Variants in COPB2 observed in about 807,000 individuals in gnomAD.
COPB2 encodes coat protein complex I subunit beta 2.
Under a neutral mutation model 120.8 loss-of-function variants are expected in COPB2, and 16 were observed. That is an observed-to-expected ratio of 0.13 (90% CI 0.09 to 0.20). The LOEUF (loss-of-function observed/expected upper bound fraction) is 0.20. COPB2 is among the 10% of genes least tolerant of loss of function. The pLI is 1.00. For missense variants in COPB2, 794 were observed against 1,076.5 expected (o/e 0.74, Z 3.67); for synonymous variants, 332 against 366.3 (o/e 0.91, Z 1.07).
rs763968514 is a variant in COPB2 at position 139,371,843 on chromosome 3, A to G, written c.1095-10T>C. 9.3e-6 allele frequency: 15 copies of G among 1,611,374 alleles called. No individual in the cohort carries two copies. The Admixed American group carries it at 1.7e-4, about 18-fold the overall frequency. ...ACACACCACCACAAACCTAGAAATCACAGAAGCCAGGGAGGGAAGTACAGA... is the reference window on the plus strand; with the variant it reads ...ACACACCACCACAAACCTAGAAATCGCAGAAGCCAGGGAGGGAAGTACAGA... On this transcript the variant is annotated splice_polypyrimidine_tract_variant and intron_variant, in intron 9 of 21. Transcript: ENST00000333188.
chr3:139,379,319 A>C (rs568290423), intron 3 of COPB2, 61 bp downstream of exon 3: 1 of 1,581,056 alleles, frequency 6.3e-7, no homozygotes, highest in Admixed American at 1.7e-5. Flanking sequence ...TCCTGCAACA[A>C]ATTTACACAA....
At chr3:139,375,112 G>A (rs931434340) in intron 6 of COPB2, among the ~76,000 whole-genome samples, 9 of 152,108 alleles carry the variant, frequency 5.9e-5, no homozygotes, top group Non-Finnish European at 1.0e-4. Context: ...TTCATAACTA[G>A]GTTTACAAGA....
rs886210265 is a variant in COPB2, at chr3:139,358,986, C to G, written c.2484+12G>C. 1.2e-6 allele frequency: 2 copies of G among 1,608,876 alleles called. No individual in the cohort carries two copies. Among genetic ancestry groups the G allele is most frequent in the African/African-American group, 2.7e-5 (2 of 74,530 alleles). On this transcript the variant is annotated intron_variant, in intron 19 of 21. Coordinates refer to ENST00000333188, the MANE Select transcript of COPB2 (RefSeq NM_004766.3). Reference sequence around the variant, plus strand: ...GTTACAATAAATGAAGCTTGACATCCTGGCCACTCACCGTGACAAGTGGGT... The same window carrying G: ...GTTACAATAAATGAAGCTTGACATCGTGGCCACTCACCGTGACAAGTGGGT...
chr3:139,362,698 G>T (rs1015686119), intron 15 of COPB2, among the ~76,000 whole-genome samples, 181 bp from the exon 16 acceptor site: 3 of 152,102 alleles, frequency 2.0e-5, no homozygotes, highest in African/African-American at 7.2e-5. Context: ...GTCATTAAAG[G>T]AAGTGGTAAG....
chr3:139,358,965 CA>C, intron 19 of COPB2, 32 bp downstream of exon 19: 1 of 1,603,844 alleles, frequency 6.2e-7, no homozygotes, highest in Non-Finnish European at 8.5e-7. Flanking sequence ...CCTGTAGTTA[CA>C]ATAAATGAAG....
Position 139,383,295 on chromosome 3 carries a change from T to A in COPB2, c.141+3A>T. On this transcript the variant is annotated splice_donor_region_variant and intron_variant, in intron 2 of 21. Coordinates refer to ENST00000333188, the MANE Select transcript of COPB2 (RefSeq NM_004766.3). ...TTCTAATACAGTCCTGAAAAATTCC[T>A]ACCTGTGTTTCATGATTCCAAACAC... 6.2e-7 allele frequency: 1 copy of A among 1,613,944 alleles called. No individual in the cohort carries two copies.
chr3:139,379,257 G>C (rs927380353), intron 3 of COPB2, 84 bp from the exon 4 acceptor site: 15 of 1,552,458 alleles, frequency 9.7e-6, no homozygotes, highest in Non-Finnish European at 1.3e-5. Context: ...AAGGAATAAA[G>C]TCTATGCCTC....
chr3:139,358,708 C>T (rs1941346217), intron 20 of COPB2, 36 bp downstream of exon 20: 2 of 1,464,626 alleles, frequency 1.4e-6, no homozygotes, highest in African/African-American at 1.4e-5. Context: ...AGTGAACCAT[C>T]TCAGCCAAAT....
chr3:139,389,047 A>C (rs745613405), intron 1 of COPB2, among the ~76,000 whole-genome samples: 1 of 152,134 alleles, frequency 6.6e-6, no homozygotes, highest in East Asian at 1.9e-4. Context: ...TTAGAAACCT[A>C]ACAGCTGAGA....
At chr3:139,375,244 A>T (rs1372081445) in intron 6 of COPB2, among the ~76,000 whole-genome samples, 3 of 152,226 alleles carry the variant, frequency 2.0e-5, no homozygotes. Flanking sequence ...TCTAAATGCA[A>T]TTATGAAATG....
At chr3:139,377,689 T>C (rs1275821243) in intron 5 of COPB2, among the ~76,000 whole-genome samples, 1 of 152,154 alleles carries the variant, frequency 6.6e-6, no homozygotes, top group African/African-American at 2.4e-5. Flanking sequence ...AAATGTAAAA[T>C]AGATAAACGA....
At chr3:139,376,260 C>T (rs1036086369) in intron 5 of COPB2, among the ~76,000 whole-genome samples, 9 of 151,862 alleles carry the variant, frequency 5.9e-5, no homozygotes, top group African/African-American at 1.9e-4. Flanking sequence ...CTCAAAAATA[C>T]ATAAATAAAT....
intron 12 of COPB2, 59 bp downstream of exon 12, chr3:139,369,202 G>A (rs1941578139): frequency 1.0e-5 from 14 of 1,364,060 alleles, no homozygotes; most frequent in Non-Finnish European, 1.3e-5. Context: ...TGGCCTTAGG[G>A]ACCCAGAACT....
chr3:139,374,476 C>A lies in COPB2; in HGVS notation c.751+13G>T, dbSNP rs1675548552. On this transcript the variant is annotated intron_variant, in intron 7 of 21. Coordinates refer to ENST00000333188, the MANE Select transcript of COPB2 (RefSeq NM_004766.3). Reference sequence around the variant, plus strand: ...GTTACTAGCACAGGAATAAACATACCCTTCTAACTTACCATCTTCTGAACC... The same window carrying A: ...GTTACTAGCACAGGAATAAACATACACTTCTAACTTACCATCTTCTGAACC... 1 of 1,607,830 alleles carries A rather than the reference C, an allele frequency of 6.2e-7. No individual in the cohort carries two copies. The highest frequency in any genetic ancestry group is 1.3e-5 in the African/African-American group (1 of 74,764).
Position 139,366,619 on chromosome 3 carries a change from A to C in COPB2, c.1833T>G (p.Pro611=). ...RDFSMADKVL[P]TIPKEQRTRV... Reference sequence around the variant, plus strand: ...TGGTCCTCTGTTCTTTTGGAATGGTAGGAAGGACCTTATCAGCCATGCTAA... The same window carrying C: ...TGGTCCTCTGTTCTTTTGGAATGGTCGGAAGGACCTTATCAGCCATGCTAA... The change falls in exon 15 of 22, where the codon CCT becomes CCG. Residue 611 remains proline, a synonymous_variant. Coordinates refer to ENST00000333188, the MANE Select transcript of COPB2 (RefSeq NM_004766.3). 6 of 1,614,074 alleles carry C rather than the reference A, an allele frequency of 3.7e-6. No individual in the cohort carries two copies. The highest frequency in any genetic ancestry group is 2.5e-6 in the Non-Finnish European group (3 of 1,179,950).
At position 139,366,258 on chromosome 3, in the gene COPB2, TA is replaced by T. The variant is rs772996225; in HGVS notation, c.1884+309del. On this transcript the variant is annotated intron_variant, in intron 15 of 21. Transcript: ENST00000333188. The stretch of plus-strand genomic sequence containing the variant: ...TATATGTATTTTAATCATTTTTTTT[TA>T]AAAAGCAGATGGGATAAAGCTAAAA... Among the ~76,000 whole-genome samples, 5 of 150,610 alleles carry T rather than the reference TA, an allele frequency of 3.3e-5. No homozygotes were observed. The East Asian group carries it at 7.7e-4, about 23-fold the overall frequency.
At chr3:139,384,244 T>C (rs1458645174) in intron 1 of COPB2, among the ~76,000 whole-genome samples, 1 of 152,216 alleles carries the variant, frequency 6.6e-6, no homozygotes, top group Admixed American at 6.5e-5. Context: ...TTTCTACCAT[T>C]AAGCATTGGT....
rs745412053 is a variant in COPB2, at chr3:139,373,405, C to T, written c.902G>A (p.Arg301Gln). The change falls in exon 9 of 22, where the codon CGG becomes CAG. Residue 301 changes from arginine to glutamine, a missense_variant. Physicochemically the swap from Arg to Gln is conservative, Grantham distance 43. Coordinates refer to ENST00000333188, the MANE Select transcript of COPB2 (RefSeq NM_004766.3). ...ATCCATGGACATGGCAGGTTCCTCC[C>T]GACCAAGCTGAAAGAAAGAAAAATA... is the stretch of plus-strand genomic sequence containing the variant. ...DEGSIIVKLG[R>Q]EEPAMSMDAN... is the part of the protein sequence containing the mutation. 8.1e-6 allele frequency: 13 copies of T among 1,613,964 alleles called. No individual in the cohort carries two copies. The highest frequency in any genetic ancestry group is 3.3e-5 in the South Asian group (3 of 91,070).
At chr3:139,370,290 G>A (rs1212643040) in intron 10 of COPB2, among the ~76,000 whole-genome samples, 1 of 152,174 alleles carries the variant, frequency 6.6e-6, no homozygotes, top group Non-Finnish European at 1.5e-5. Flanking sequence ...TTCCTATAAT[G>A]TAAGAGGTGG....
Sources: gnomAD v4.1 joint callset for allele counts (sites outside exome capture counted in the v4.1 genomes callset) on GRCh38, gnomAD v4.1.1 for gene constraint, MANE v1.5 for transcripts, NCBI Gene and HGNC (gene_info 2026-07-23, HGNC 2026-07-21) for gene names.